The following MACROD2 variants were observed in gnomAD, a reference collection of about 807,000 sequenced individuals.
The protein encoded by MACROD2 is mono-ADP ribosylhydrolase 2.
In MACROD2, 36 loss-of-function variants were observed where a neutral mutation model predicts 70.4. The observed-to-expected ratio is 0.51, with a 90% confidence interval of 0.39 to 0.68. MACROD2 has a LOEUF of 0.68. Ranked by LOEUF, MACROD2 falls within the 30% of genes least tolerant of loss-of-function variation. The pLI is 0.00. For missense variants in MACROD2, 496 were observed against 538.4 expected, an observed-to-expected ratio of 0.92 and a Z score of 0.78; for synonymous variants, 172 against 178.8, an observed-to-expected ratio of 0.96 and a Z score of 0.30.
chr20:15,205,005 T>C (rs572508273), intron 5 of MACROD2, among the ~76,000 whole-genome samples: 5 of 152,088 alleles, frequency 3.3e-5, no homozygotes, highest in Non-Finnish European at 7.4e-5. Context: ...GATAAAATAA[T>C]GTTCTATATA....
intron 4 of MACROD2, among the ~76,000 whole-genome samples, chr20:14,549,152 G>A (rs893244117): frequency 3.3e-5 from 5 of 152,164 alleles, no homozygotes; most frequent in East Asian, 1.9e-4. Context: ...CACCATTCTC[G>A]TCTGAGACAT....
intron 4 of MACROD2, among the ~76,000 whole-genome samples, chr20:14,504,926 A>G (rs549779813): frequency 1.3e-5 from 2 of 152,302 alleles, no homozygotes; most frequent in East Asian, 1.9e-4. Flanking sequence ...ATACATATGT[A>G]TCTGCAAATA....
intron 4 of MACROD2, among the ~76,000 whole-genome samples, chr20:14,642,313 C>G (rs576828273): frequency 1.4e-3 from 207 of 152,246 alleles, no homozygotes; most frequent in African/African-American, 4.7e-3. Context: ...ATCTTCTATC[C>G]AGACCACTCA....
chr20:14,650,094 C>T (rs1404073778), intron 4 of MACROD2, among the ~76,000 whole-genome samples: 1 of 152,176 alleles, frequency 6.6e-6, no homozygotes, highest in African/African-American at 2.4e-5. Flanking sequence ...AGACTTAACA[C>T]ATCCTACTAT....
intron 9 of MACROD2, among the ~76,000 whole-genome samples, chr20:15,865,029 G>A (rs6110801): frequency 7.4e-4 from 113 of 152,092 alleles, no homozygotes; most frequent in African/African-American, 2.7e-3. Flanking sequence ...CTTTAAATTA[G>A]GATACGTTTC....
chr20:15,372,910 T>C (rs1178287647), intron 6 of MACROD2, among the ~76,000 whole-genome samples: 2 of 151,976 alleles, frequency 1.3e-5, no homozygotes, highest in Non-Finnish European at 2.9e-5. Flanking sequence ...AAATTAGCCA[T>C]ATGTGGTGAT....
chr20:15,330,880 G>T (rs898280779), intron 6 of MACROD2, among the ~76,000 whole-genome samples: 1 of 151,622 alleles, frequency 6.6e-6, no homozygotes, highest in Non-Finnish European at 1.5e-5. Context: ...TTACTGCCCT[G>T]AAGTAATTTC....
At chr20:15,755,162 A>G (rs2146987733) in intron 8 of MACROD2, among the ~76,000 whole-genome samples, 1 of 152,210 alleles carries the variant, frequency 6.6e-6, no homozygotes, top group East Asian at 1.9e-4. Context: ...CACAGCCAGG[A>G]ATTTGCATTT....
rs192374309 is a variant in MACROD2 at position 14,554,719 on chromosome 20, A to T, written c.301+61211A>T. On this transcript the variant is annotated intron_variant, in intron 4 of 17. Transcript: ENST00000684519. Reference sequence around the variant, plus strand: ...AGAATCTTTACATTTTGTACACATTATTCTAAAATTCCTTTTAGTCCTTAA... The same window carrying T: ...AGAATCTTTACATTTTGTACACATTTTTCTAAAATTCCTTTTAGTCCTTAA... Among the ~76,000 whole-genome samples, 23 of 152,272 alleles carry T rather than the reference A, an allele frequency of 1.5e-4. No individual in the cohort carries two copies. In the East Asian group the frequency reaches 4.4e-3, roughly 29 times the overall value.
intron 6 of MACROD2, among the ~76,000 whole-genome samples, chr20:15,248,786 C>T (rs187606373): frequency 1.9e-3 from 282 of 152,286 alleles, no homozygotes; most frequent in Middle Eastern, 6.8e-3. Flanking sequence ...TGCCTCACCC[C>T]TCTCCTTCCA....
intron 2 of MACROD2, among the ~76,000 whole-genome samples, chr20:14,047,763 T>C (rs2053500640): frequency 6.6e-6 from 1 of 152,136 alleles, no homozygotes; most frequent in Non-Finnish European, 1.5e-5. Flanking sequence ...GGGATATCAG[T>C]ATGTGTGAAA....
chr20:14,002,332 C>A lies in MACROD2; in HGVS notation c.91C>A (p.Leu31Ile). ...CTTAGAAGAGAGACGCAAAGAATACCTAAGAGACTATATTCCCCTGAACAG... is the reference window on the plus strand; with the variant it reads ...CTTAGAAGAGAGACGCAAAGAATACATAAGAGACTATATTCCCCTGAACAG... ...MTLEERRKEY[L>I]RDYIPLNSIL... Residue 31 changes from leucine (L) to isoleucine (I), a missense_variant, in exon 2 of 18, where the codon CTA becomes ATA. Transcript: ENST00000684519. 1 of 1,609,694 alleles carries A rather than the reference C, an allele frequency of 6.2e-7. No homozygotes were observed. Among genetic ancestry groups the A allele is most frequent in the Non-Finnish European group, 8.5e-7 (1 of 1,178,186 alleles).
intron 8 of MACROD2, among the ~76,000 whole-genome samples, chr20:15,628,485 G>T (rs2049239785): frequency 6.6e-6 from 1 of 152,198 alleles, no homozygotes; most frequent in Non-Finnish European, 1.5e-5. Flanking sequence ...AGAAAACAAG[G>T]AAGTTTCAAC....
At chr20:15,952,045 G>T (rs1057012638) in intron 12 of MACROD2, among the ~76,000 whole-genome samples, 1 of 152,110 alleles carries the variant, frequency 6.6e-6, no homozygotes, top group Non-Finnish European at 1.5e-5. Flanking sequence ...GCGATAGTGA[G>T]TAAGTCTCAC....
chr20:14,771,247 G>A (rs192209698), intron 5 of MACROD2, among the ~76,000 whole-genome samples: 1 of 151,992 alleles, frequency 6.6e-6, no homozygotes, highest in East Asian at 1.9e-4. Context: ...TAGCTTCCTG[G>A]GTCTCTAGTT....
chr20:15,802,826 A>T (rs1243139496), intron 8 of MACROD2, among the ~76,000 whole-genome samples: 1 of 152,114 alleles, frequency 6.6e-6, no homozygotes, highest in Admixed American at 6.5e-5. Flanking sequence ...AAGAAATGAA[A>T]AATGAGACGT....
At chr20:15,733,646 G>A (rs1342821916) in intron 8 of MACROD2, among the ~76,000 whole-genome samples, 1 of 152,150 alleles carries the variant, frequency 6.6e-6, no homozygotes, top group Non-Finnish European at 1.5e-5. Flanking sequence ...GCTGGTGCTA[G>A]AGTCTGTGCT....
At chr20:14,727,193 G>A (rs1413770680) in intron 5 of MACROD2, among the ~76,000 whole-genome samples, 3 of 152,072 alleles carry the variant, frequency 2.0e-5, no homozygotes, top group East Asian at 3.9e-4. Context: ...AGAAAAGTCT[G>A]CCAGCCAGTA....
intron 12 of MACROD2, among the ~76,000 whole-genome samples, chr20:15,958,748 C>A (rs556392068): frequency 7.2e-5 from 11 of 152,214 alleles, no homozygotes; most frequent in Middle Eastern, 6.8e-3. Flanking sequence ...GGGGATAGGA[C>A]CTTTGGGGAA....
Sources: gnomAD v4.1 joint callset for allele counts (sites outside exome capture counted in the v4.1 genomes callset) on GRCh38, gnomAD v4.1.1 for gene constraint, MANE v1.5 for transcripts, NCBI Gene and HGNC (gene_info 2026-07-23, HGNC 2026-07-21) for gene names.